Variants in TRIM60 observed in about 807,000 individuals in gnomAD.
The protein encoded by TRIM60 is tripartite motif-containing protein 60.
For synonymous variants in TRIM60, 189 were observed against 195.2 expected (o/e 0.97, Z 0.27); for missense variants, 524 against 540.8 (o/e 0.97, Z 0.31).
Position 165,040,667 on chromosome 4 carries a change from G to A in TRIM60, c.595G>A (p.Glu199Lys). ...AAGATTGTTTTTACAGAATGAACAA[G>A]AGATGATTCTTAGGCAGATACAAGA... is the stretch of plus-strand genomic sequence containing the variant. Reference protein sequence around the residue: ...QIRLFLQNEQEMILRQIQDEE... With the variant: ...QIRLFLQNEQKMILRQIQDEE... Residue 199 changes from glutamate to lysine, a missense_variant, in exon 3 of 3, where the codon GAG becomes AAG. Physicochemically the swap from Glu to Lys is moderately conservative, Grantham distance 56. Transcript: ENST00000512596. 1 of 1,613,880 alleles carries A rather than the reference G, an allele frequency of 6.2e-7. No individual in the cohort carries two copies. Among genetic ancestry groups the A allele is most frequent in the Non-Finnish European group, 8.5e-7 (1 of 1,179,894 alleles).
chr4:165,036,458 A>G (rs1233265275), intron 1 of TRIM60, among the ~76,000 whole-genome samples: 2 of 152,086 alleles, frequency 1.3e-5, no homozygotes, highest in Non-Finnish European at 2.9e-5. Context: ...CCCTCATTAG[A>G]TTATTTGATA....
At chr4:165,037,945 G>A (rs1429465362) in intron 1 of TRIM60, among the ~76,000 whole-genome samples, 1 of 152,028 alleles carries the variant, frequency 6.6e-6, no homozygotes, top group Non-Finnish European at 1.5e-5. Context: ...GGTAGACTAA[G>A]TACCTACTTC....
In TRIM60 at chr4:165,032,025, G is replaced by A. The variant is rs1000133098; in HGVS notation, c.-144G>A. The stretch of plus-strand genomic sequence containing the variant: ...AAACTCGAAAACCAAGGCGCCCAGG[G>A]TTGTGTGAGGGTTTCCGCTCTGCGC... On this transcript the variant is annotated 5_prime_UTR_variant, in exon 1 of 3. Coordinates refer to ENST00000512596, the MANE Select transcript of TRIM60 (RefSeq NM_152620.3). The A allele has an allele frequency of 3.9e-5, 6 of 152,342 alleles. No homozygotes were observed. The highest frequency in any genetic ancestry group is 1.4e-4 in the African/African-American group (6 of 41,470). The allele number at this position is 152,342 out of a possible 1,614,324, so 9.4% of individuals were successfully genotyped here.
chr4:165,037,657 G>C lies in TRIM60; in HGVS notation c.-56-1544G>C, dbSNP rs139919645. On this transcript the variant is annotated intron_variant, in intron 1 of 2. Transcript: ENST00000512596. Reference sequence around the variant, plus strand: ...TTTTCTTGCCTCAGCCTCCCAAAGTGCTGGGATTACAGGTGTGAGCCAATG... The same window carrying C: ...TTTTCTTGCCTCAGCCTCCCAAAGTCCTGGGATTACAGGTGTGAGCCAATG... 2.1e-3 allele frequency among the ~76,000 whole-genome samples: 322 copies of C among 152,204 alleles called. 1 individual carries two copies. Among genetic ancestry groups the C allele is most frequent in the African/African-American group, 7.3e-3 (305 of 41,512 alleles).
At chr4:165,032,918 G>C (rs1733538327) in intron 1 of TRIM60, among the ~76,000 whole-genome samples, 1 of 152,036 alleles carries the variant, frequency 6.6e-6, no homozygotes, top group South Asian at 2.1e-4. Flanking sequence ...CAGGCGCGGT[G>C]GCTCACACCT....
At chr4:165,038,259 T>A (rs1402773733) in intron 1 of TRIM60, among the ~76,000 whole-genome samples, 6 of 152,240 alleles carry the variant, frequency 3.9e-5, no homozygotes, top group Non-Finnish European at 8.8e-5. Context: ...CTAACTTTGA[T>A]GTATTACTAA....
intron 1 of TRIM60, among the ~76,000 whole-genome samples, chr4:165,036,580 GT>G (rs1733628062): frequency 1.3e-5 from 2 of 152,124 alleles, no homozygotes; most frequent in African/African-American, 2.4e-5. Context: ...AAAAGATGGT[GT>G]GCTTAGGCCG....
intron 2 of TRIM60, among the ~76,000 whole-genome samples, chr4:165,039,804 CAAAAA>C (rs34594955): frequency 2.4e-5 from 2 of 83,512 alleles, no homozygotes; most frequent in Admixed American, 1.1e-4. Context: ...GACTCCGTCT[CAAAAA>C]AAAAAAAAAA....
At position 165,040,484 on chromosome 4, in the gene TRIM60, T is replaced by G; in HGVS notation, c.412T>G (p.Ser138Ala). 1 of 1,614,178 alleles carries G rather than the reference T, an allele frequency of 6.2e-7. No homozygotes were observed. The highest frequency in any genetic ancestry group is 8.5e-7 in the Non-Finnish European group (1 of 1,180,030). Residue 138 changes from serine to alanine, a missense_variant, in exon 3 of 3, where the codon TCT becomes GCT. Transcript: ENST00000512596. ...HYICPIKKAA[S>A]YHREILEGSL... ...CATTTGCCCTATTAAGAAAGCTGCCTCTTATCACAGAGAAATTCTAGAAGG... is the reference window on the plus strand; with the variant it reads ...CATTTGCCCTATTAAGAAAGCTGCCGCTTATCACAGAGAAATTCTAGAAGG...
Position 165,034,345 on chromosome 4 carries a change from G to A in TRIM60, c.-57+2233G>A, listed in dbSNP as rs563951700. ...ATTTTTGTATTGTTAGTAGAGACGG[G>A]GTTTCACCATGTTAGTCAGGCTGGT... On this transcript the variant is annotated intron_variant, in intron 1 of 2. Coordinates refer to ENST00000512596, the MANE Select transcript of TRIM60 (RefSeq NM_152620.3). Among the ~76,000 whole-genome samples the A allele has an allele frequency of 7.9e-5, 12 of 152,040 alleles. No homozygotes were observed. The South Asian group carries it at 2.5e-3, about 32-fold the overall frequency.
At chr4:165,036,687 C>T (rs1733629706) in intron 1 of TRIM60, among the ~76,000 whole-genome samples, 1 of 151,990 alleles carries the variant, frequency 6.6e-6, no homozygotes, top group Non-Finnish European at 1.5e-5. Context: ...TCAAGACCAG[C>T]CCAGCCAACA....
At chr4:165,037,767 C>T (rs1358225729) in intron 1 of TRIM60, among the ~76,000 whole-genome samples, 2 of 152,094 alleles carry the variant, frequency 1.3e-5, no homozygotes, top group Non-Finnish European at 2.9e-5. Context: ...TGCAGTGGAG[C>T]TCTCTTTTAA....
chr4:165,039,230 G>A lies in TRIM60; in HGVS notation c.-27G>A, dbSNP rs1733692119. 6.6e-6 allele frequency: 1 copy of A among 151,942 alleles called. No homozygotes were observed. The highest frequency in any genetic ancestry group is 6.6e-5 in the Admixed American group (1 of 15,242). 9.4% of individuals were successfully genotyped at this position (151,942 alleles called of 1,614,324 possible). ...TCAGTTTGCCCCATCATTGGTTAAG[G>A]TGGTATTCTCTACATTATAAAGGTA... On this transcript the variant is annotated 5_prime_UTR_variant, in exon 2 of 3. In the 5' UTR this introduces an upstream ATG that the reference lacks. Coordinates refer to ENST00000512596, the MANE Select transcript of TRIM60 (RefSeq NM_152620.3).
rs1224893979 is a variant in TRIM60 at position 165,040,809 on chromosome 4, T to G, written c.737T>G (p.Leu246Arg). The G allele has an allele frequency of 6.2e-7, 1 of 1,614,076 alleles. No individual in the cohort carries two copies. The highest frequency in any genetic ancestry group is 1.3e-5 in the African/African-American group (1 of 74,942). The part of the protein sequence containing the change: ...EVEGKSVQSN[L>R]ELLTQAKSMH... ...GAGGGCAAGTCTGTGCAGTCAAACC[T>G]GGAATTACTGACACAAGCTAAGAGT... Residue 246 changes from leucine to arginine, a missense_variant, in exon 3 of 3, where the codon CTG becomes CGG. Coordinates refer to ENST00000512596, the MANE Select transcript of TRIM60 (RefSeq NM_152620.3).
chr4:165,040,200 C>T lies in TRIM60; in HGVS notation c.128C>T (p.Ser43Phe), dbSNP rs768117374. ...TTCTGTCGCTCCTGCCTCAGTGTATCCTGGAAGGATCTAGATGATACCTTT... is the reference window on the plus strand; with the variant it reads ...TTCTGTCGCTCCTGCCTCAGTGTATTCTGGAAGGATCTAGATGATACCTTT... ...HNFCRSCLSVSWKDLDDTFPC... is the reference protein window; with the variant it reads ...HNFCRSCLSVFWKDLDDTFPC... The change falls in exon 3 of 3, where the codon TCC (serine) becomes TTC (phenylalanine). Residue 43 changes from serine (S) to phenylalanine (F), a missense_variant. Physicochemically the swap from Ser to Phe is radical, Grantham distance 155. Transcript: ENST00000512596. 1.2e-6 allele frequency: 2 copies of T among 1,614,152 alleles called. No individual in the cohort carries two copies. Among genetic ancestry groups the T allele is most frequent in the South Asian group, 2.2e-5 (2 of 91,086 alleles).
intron 1 of TRIM60, among the ~76,000 whole-genome samples, chr4:165,035,476 G>T (rs13110766): frequency 6.6e-6 from 1 of 152,058 alleles, no homozygotes; most frequent in Non-Finnish European, 1.5e-5. Flanking sequence ...AGTCCGCTCT[G>T]CGTGATGTCA....
At chr4:165,034,769 TCA>T (rs1308626808) in intron 1 of TRIM60, among the ~76,000 whole-genome samples, 1 of 152,220 alleles carries the variant, frequency 6.6e-6, no homozygotes, top group East Asian at 1.9e-4. Flanking sequence ...TACTGTCCCT[TCA>T]AAATTGGAAT....
chr4:165,035,898 T>G (rs1161114961), intron 1 of TRIM60, among the ~76,000 whole-genome samples: 1 of 152,070 alleles, frequency 6.6e-6, no homozygotes, highest in African/African-American at 2.4e-5. Context: ...AGTTTTTGTA[T>G]TTTTAGTAGA....
At chr4:165,038,747 G>A (rs1343074689) in intron 1 of TRIM60, among the ~76,000 whole-genome samples, 1 of 149,424 alleles carries the variant, frequency 6.7e-6, no homozygotes, top group Non-Finnish European at 1.5e-5. Context: ...TTTCTTCATT[G>A]TTATATATAC....
Sources: gnomAD v4.1 joint callset for allele counts (sites outside exome capture counted in the v4.1 genomes callset) on GRCh38, gnomAD v4.1.1 for gene constraint, MANE v1.5 for transcripts, NCBI Gene and HGNC (gene_info 2026-07-23, HGNC 2026-07-21) for gene names.